PDE8B: variants seen among roughly 807,000 people sequenced by gnomAD.
PDE8B encodes phosphodiesterase 8B, also known as high affinity cAMP-specific and IBMX-insensitive 3',5'-cyclic phosphodiesterase 8B.
Under a neutral mutation model 101.3 loss-of-function variants are expected in PDE8B, and 26 were observed. The observed-to-expected ratio is 0.26, with a 90% CI of 0.19 to 0.36. The LOEUF (loss-of-function observed/expected upper bound fraction) is 0.36. Ranked by LOEUF, PDE8B falls within the 10% of genes least tolerant of loss-of-function variation. The probability of loss-of-function intolerance (pLI) is 1.00; values close to 1 mark genes in which losing one functional copy is unlikely to be tolerated. For synonymous variants in PDE8B, 424 were observed against 429.3 expected (o/e 0.99, Z 0.15); for missense variants, 810 against 1,163.1 (o/e 0.70, Z 4.42).
At chr5:77,404,660 A>G (rs1359205616) in intron 11 of PDE8B, 60 bp from the exon 12 acceptor site, 3 of 960,810 alleles carry the variant, frequency 3.1e-6, no homozygotes, top group Non-Finnish European at 3.4e-6. Flanking sequence ...ACATGTTTGA[A>G]TCTCTTCTGT....
At chr5:77,100,692 T>G in the PDE8B span, among the ~76,000 whole-genome samples, 6 of 152,124 alleles carry the variant, frequency 3.9e-5, no homozygotes, top group Non-Finnish European at 7.4e-5. Flanking sequence ...CCGGGCTCCC[T>G]CCTGCTTGTT....
At chr5:77,366,164 TAC>T (rs766970072) in intron 10 of PDE8B, among the ~76,000 whole-genome samples, 6 of 152,236 alleles carry the variant, frequency 3.9e-5, no homozygotes, top group Non-Finnish European at 7.3e-5. Context: ...GTGGGATTTA[TAC>T]AGTTTCCTGC....
chr5:77,367,677 C>T (rs1401432613), intron 10 of PDE8B, among the ~76,000 whole-genome samples: 3 of 152,020 alleles, frequency 2.0e-5, no homozygotes, highest in South Asian at 2.1e-4. Flanking sequence ...ACTACAGGCA[C>T]GCACCACCAT....
rs77276584 is a variant in PDE8B at position 77,381,177 on chromosome 5, T to C, written c.1168-19071T>C. ...TAAGACCAACGGGATGTGGGAGTTT[T>C]AAACAGGAGAATGACAGGATTAAAT... On this transcript the variant is annotated intron_variant, in intron 10 of 21. Coordinates refer to ENST00000264917, the MANE Select transcript of PDE8B (RefSeq NM_003719.5). Among the ~76,000 whole-genome samples, 596 of 152,294 alleles carry C rather than the reference T, an allele frequency of 3.9e-3. 5 individuals carry two copies. The highest frequency in any genetic ancestry group is 0.014 in the African/African-American group (576 of 41,570).
the PDE8B span, among the ~76,000 whole-genome samples, chr5:77,188,446 C>T: frequency 6.6e-6 from 1 of 152,138 alleles, no homozygotes; most frequent in East Asian, 1.9e-4. Context: ...GAAGTATTTT[C>T]ACAATCTGTC....
intron 8 of PDE8B, among the ~76,000 whole-genome samples, chr5:77,349,913 T>C (rs1780775799): frequency 6.6e-6 from 1 of 152,198 alleles, no homozygotes; most frequent in South Asian, 2.1e-4. Context: ...CTAGACATAT[T>C]TAATACCAGT....
chr5:77,194,482 T>C, the PDE8B span, among the ~76,000 whole-genome samples: 1 of 152,110 alleles, frequency 6.6e-6, no homozygotes, highest in Non-Finnish European at 1.5e-5. Flanking sequence ...AAGTGTACAA[T>C]TAAGTAGTAT....
At chr5:77,393,175 C>T (rs971438628) in intron 10 of PDE8B, among the ~76,000 whole-genome samples, 6 of 152,128 alleles carry the variant, frequency 3.9e-5, no homozygotes, top group Non-Finnish European at 7.4e-5. Flanking sequence ...GGGCAGATTG[C>T]TTCAGCTCAG....
intron 1 of PDE8B, among the ~76,000 whole-genome samples, chr5:77,226,483 T>G (rs955492438): frequency 1.3e-5 from 2 of 152,222 alleles, no homozygotes; most frequent in African/African-American, 4.8e-5. Context: ...GCCAGTCCCC[T>G]ATTGATGTTT....
At chr5:77,311,878 C>T (rs1772713517) in intron 1 of PDE8B, 116 bp from the exon 2 acceptor site, 2 of 846,902 alleles carry the variant, frequency 2.4e-6, no homozygotes, top group South Asian at 2.6e-5. Flanking sequence ...GTTCAGTAAG[C>T]TGGATTCTTC....
intron 2 of PDE8B, among the ~76,000 whole-genome samples, chr5:77,312,504 C>T (rs1486508154): frequency 6.6e-6 from 1 of 152,182 alleles, no homozygotes; most frequent in Non-Finnish European, 1.5e-5. Context: ...ACAGCTCTTC[C>T]ACCCCAAAAC....
At chr5:77,345,522 A>G (rs769594661) in intron 7 of PDE8B, among the ~76,000 whole-genome samples, 10 of 152,336 alleles carry the variant, frequency 6.6e-5, no homozygotes, top group South Asian at 2.1e-4. Flanking sequence ...GTAAGTCAGA[A>G]TGGTACAGCA....
chr5:77,425,829 T>G lies in PDE8B; in HGVS notation c.2481T>G (p.Cys827Trp), dbSNP rs1401033089. ...TGCCAGTGTTTGACCGGAATACCTG[T>G]AGCATCCCCAAGTCTCAGATCTCTT... ...VVMPVFDRNT[C>W]SIPKSQISFI... The change falls in exon 21 of 22, where the codon TGT becomes TGG. Residue 827 changes from cysteine (C) to tryptophan (W), a missense_variant. This residue lies in a region of PDE8B where 325 missense variants were observed against 560.9 expected (regional missense o/e 0.58). Coordinates refer to ENST00000264917, the MANE Select transcript of PDE8B (RefSeq NM_003719.5). 1 of 1,612,292 alleles carries G rather than the reference T, an allele frequency of 6.2e-7. No individual in the cohort carries two copies. Among genetic ancestry groups the G allele is most frequent in the Non-Finnish European group, 8.5e-7 (1 of 1,178,300 alleles).
intron 1 of PDE8B, among the ~76,000 whole-genome samples, chr5:77,262,150 C>T (rs1167679711): frequency 6.6e-6 from 1 of 151,722 alleles, no homozygotes; most frequent in East Asian, 1.9e-4. Context: ...ATGGAAAGAT[C>T]CTGCGTATGG....
the PDE8B span, among the ~76,000 whole-genome samples, chr5:77,197,941 C>T: frequency 3.3e-5 from 5 of 151,532 alleles, no homozygotes; most frequent in South Asian, 2.1e-4. Context: ...TTCTTGTCTG[C>T]GAATTTCTGT....
rs1798468855 is a variant in PDE8B, at chr5:77,428,121, AT to A, written c.*1569del. On this transcript the variant is annotated 3_prime_UTR_variant, in exon 22 of 22. Transcript: ENST00000264917. The stretch of plus-strand genomic sequence containing the variant: ...TGGTCAGGACAGCAGCCAGCTTTGT[AT>A]TGTAATGCTATATTATGTAAATGTG... The A allele has an allele frequency of 2.6e-5, 4 of 152,210 alleles. 1 individual carries two copies. In the South Asian group the frequency reaches 8.3e-4, roughly 32 times the overall value. 9.4% of individuals were successfully genotyped at this position (152,210 alleles called of 1,614,324 possible).
At chr5:77,218,238 A>G (rs1449569357) in intron 1 of PDE8B, among the ~76,000 whole-genome samples, 1 of 152,264 alleles carries the variant, frequency 6.6e-6, no homozygotes, top group Non-Finnish European at 1.5e-5. Flanking sequence ...CAGGATAGCT[A>G]TAATAATATT....
Position 77,426,061 on chromosome 5 carries a change from G to T in PDE8B, c.2548+165G>T, listed in dbSNP as rs1798048424. The T allele has an allele frequency of 1.2e-5, 8 of 689,274 alleles. No homozygotes were observed. In the South Asian group the frequency reaches 1.3e-4, roughly 11 times the overall value. 42.7% of individuals were successfully genotyped at this position (689,274 alleles called of 1,614,324 possible). A position where few individuals can be genotyped will look rare whatever the true frequency, so the allele number is the denominator to read the frequency against. On this transcript the variant is annotated intron_variant, in intron 21 of 21. Coordinates refer to ENST00000264917, the MANE Select transcript of PDE8B (RefSeq NM_003719.5). ...GTGGGGTGCATTCTTTGCATCCCCA[G>T]CAGCTGGCACAGAAGCTTGTGTGCA...
At chr5:77,320,274 A>T (rs556137456) in intron 2 of PDE8B, among the ~76,000 whole-genome samples, 1 of 152,220 alleles carries the variant, frequency 6.6e-6, no homozygotes, top group Non-Finnish European at 1.5e-5. Context: ...GTGCATGGTC[A>T]TTATTACAGT....
Sources: allele counts gnomAD v4.1 joint callset (sites outside exome capture counted in the v4.1 genomes callset), GRCh38; gene constraint gnomAD v4.1.1; regional missense constraint gnomAD v4.1.1; transcripts MANE v1.5; gene names NCBI Gene and HGNC (gene_info 2026-07-23, HGNC 2026-07-21).